Variants in CAMK2A observed in about 807,000 individuals in gnomAD.
CAMK2A encodes the protein calcium/calmodulin-dependent protein kinase type II subunit alpha.
A neutral mutation model predicts 79.2 loss-of-function variants in CAMK2A; 7 were observed. That is an observed-to-expected ratio of 0.09 (90% CI 0.05 to 0.17). CAMK2A has a LOEUF of 0.17. CAMK2A is among the 10% of genes least tolerant of loss of function. The pLI is 1.00. For synonymous variants in CAMK2A, 242 were observed against 251.7 expected, an observed-to-expected ratio of 0.96 and a Z score of 0.36; for missense variants, 214 against 646.4, an observed-to-expected ratio of 0.33 and a Z score of 7.25.
In CAMK2A at chr5:150,250,119, A is replaced by G. The variant is rs528634924; in HGVS notation, c.900+107T>C. ...TGCAGTAGGTGTTCAATAAATGCTT[A>G]TTGAATCAATGAAGGAAAGAATTAG... On this transcript the variant is annotated intron_variant, in intron 11 of 18. Transcript: ENST00000671881. The G allele has an allele frequency of 5.2e-5, 43 of 824,898 alleles. 1 individual carries two copies. Among genetic ancestry groups the G allele is most frequent in the South Asian group, 2.6e-4 (17 of 65,122 alleles). 51.1% of individuals were successfully genotyped at this position (824,898 alleles called of 1,614,324 possible).
At chr5:150,245,240 C>T in intron 12 of CAMK2A, 39 bp from the exon 13 acceptor site, 8 of 1,598,504 alleles carry the variant, frequency 5.0e-6, no homozygotes, top group Non-Finnish European at 5.1e-6. Context: ...CAACGCCAGG[C>T]AGGGCACCAG....
At chr5:150,234,346 CA>C (rs1754975359) in intron 15 of CAMK2A, among the ~76,000 whole-genome samples, 1 of 152,154 alleles carries the variant, frequency 6.6e-6, no homozygotes, top group African/African-American at 2.4e-5. Context: ...ATTCTGGAGC[CA>C]AAGTCCCTGG....
intron 13 of CAMK2A, 72 bp from the exon 14 acceptor site, chr5:150,239,808 CA>C: frequency 7.3e-7 from 1 of 1,362,492 alleles, no homozygotes; most frequent in Non-Finnish European, 1.1e-6. Flanking sequence ...AGAGGAACGA[CA>C]GGGGAGGTTT....
chr5:150,267,165 A>C (rs1756546929), intron 2 of CAMK2A, among the ~76,000 whole-genome samples: 1 of 152,154 alleles, frequency 6.6e-6, no homozygotes. Flanking sequence ...CCTCCAGGGT[A>C]GGGGAGGCTG....
chr5:150,256,919 C>A lies in CAMK2A; in HGVS notation c.273-88G>T. 1 of 1,159,964 alleles carries A rather than the reference C, an allele frequency of 8.6e-7. No individual in the cohort carries two copies. The highest frequency in any genetic ancestry group is 1.2e-6 in the Non-Finnish European group (1 of 809,398). 71.9% of individuals were successfully genotyped at this position (1,159,964 alleles called of 1,614,324 possible). A position where few individuals can be genotyped will look rare whatever the true frequency, so the allele number is the denominator to read the frequency against. ...AGTCTCCAGGAAACTAAGGATGGGG[C>A]CCAGGGACCTCAGGACCTCAGCCAC... On this transcript the variant is annotated intron_variant, in intron 4 of 18. Coordinates refer to ENST00000671881, the MANE Select transcript of CAMK2A (RefSeq NM_015981.4). This position sits in a 1 kb window ranked among gnomAD's most constrained non-coding sequence, Gnocchi z 4.6.
chr5:150,272,804 C>G (rs929411978), intron 2 of CAMK2A, among the ~76,000 whole-genome samples: 3 of 151,568 alleles, frequency 2.0e-5, no homozygotes, highest in Admixed American at 2.0e-4. Flanking sequence ...AAAGGAGGGC[C>G]CATCTGGTGT....
At chr5:150,224,650 C>T (rs953142103) in intron 17 of CAMK2A, among the ~76,000 whole-genome samples, 1 of 152,056 alleles carries the variant, frequency 6.6e-6, no homozygotes, top group Admixed American at 6.5e-5. Context: ...AGGGTTTCAG[C>T]GTCATAGACT....
At position 150,257,629 on chromosome 5, in the gene CAMK2A, G is replaced by A; in HGVS notation, c.218-12C>T. On this transcript the variant is annotated splice_polypyrimidine_tract_variant and intron_variant, in intron 3 of 18. Transcript: ENST00000671881. ...GTCATGTAGTCGGACTGTGGGCGGG[G>A]CAAGGCAGTTGGTTACAGTGGGACA... 1 of 1,562,058 alleles carries A rather than the reference G, an allele frequency of 6.4e-7. No individual in the cohort carries two copies. The highest frequency in any genetic ancestry group is 1.4e-5 in the African/African-American group (1 of 73,484).
rs1194371852 is a variant in CAMK2A, at chr5:150,253,185, G to T, written c.514+259C>A. ...CTTTGGGGAGGAGAGATGGCGGAGG[G>T]GAGTGACAGGAAAGGAGAGAGGGGG... On this transcript the variant is annotated intron_variant, in intron 7 of 18. Transcript: ENST00000671881. 3.3e-5 allele frequency among the ~76,000 whole-genome samples: 5 copies of T among 152,190 alleles called. No individual in the cohort carries two copies. The East Asian group carries it at 9.6e-4, about 29-fold the overall frequency.
chr5:150,247,876 C>T (rs1315341479), intron 11 of CAMK2A, 62 bp from the exon 12 acceptor site: 2 of 1,443,928 alleles, frequency 1.4e-6, no homozygotes, highest in East Asian at 2.3e-5. Context: ...CCAGGAGGGA[C>T]AGAGAGACGG....
chr5:150,273,594 C>T (rs887349847), intron 1 of CAMK2A, among the ~76,000 whole-genome samples: 3 of 152,154 alleles, frequency 2.0e-5, no homozygotes, highest in Admixed American at 2.0e-4. Context: ...CCCTGAGGTC[C>T]CCTTCCCAGA....
Position 150,250,689 on chromosome 5 carries a change from G to A in CAMK2A, c.815C>T (p.Ser272Leu). The A allele has an allele frequency of 2.5e-6, 4 of 1,614,046 alleles. No individual in the cohort carries two copies. Among genetic ancestry groups the A allele is most frequent in the Non-Finnish European group, 3.4e-6 (4 of 1,179,942 alleles). Residue 272 changes from serine to leucine, a missense_variant and splice_region_variant, in exon 10 of 19, where the codon TCG (serine) becomes TTG (leucine). Physicochemically the swap from Ser to Leu is moderately radical, Grantham distance 145 (BLOSUM62 -2). Around this residue, in one of 4 missense-constraint regions of CAMK2A, gnomAD observed 18 missense variants for 34.9 expected, o/e 0.52. Transcript: ENST00000671881. ...GAAGTCCTGCTGAGGAAGGCTCACC[G>A]AGATCCAGGGGTGCTTAAGGGCTTC... Reference protein sequence around the residue: ...AAEALKHPWISHRSTVASCMH... With the variant: ...AAEALKHPWILHRSTVASCMH...
intron 18 of CAMK2A, 39 bp downstream of exon 18, chr5:150,222,950 T>G: frequency 6.3e-7 from 1 of 1,585,508 alleles, no homozygotes; most frequent in Non-Finnish European, 8.7e-7. Context: ...ACTCCCATCC[T>G]TTACATTACC....
chr5:150,232,354 C>T (rs1420181982), intron 15 of CAMK2A, among the ~76,000 whole-genome samples: 1 of 152,188 alleles, frequency 6.6e-6, no homozygotes. Context: ...AGTGGGTGCA[C>T]CTCATAAGTG....
chr5:150,245,217 A>C lies in CAMK2A; in HGVS notation c.944-16T>G, dbSNP rs750312731. ...CTCTTCCCTCCTGTGGAGGAGAAAA[A>C]GTAGAGGGTTAACAACGCCAGGCAG... On this transcript the variant is annotated splice_polypyrimidine_tract_variant and intron_variant, in intron 12 of 18. Coordinates refer to ENST00000671881, the MANE Select transcript of CAMK2A (RefSeq NM_015981.4). The C allele has an allele frequency of 1.7e-5, 28 of 1,613,102 alleles. 1 individual carries two copies. In the South Asian group the frequency reaches 2.9e-4, roughly 16 times the overall value.
rs930429537 is a variant in CAMK2A, at chr5:150,253,362, C to T, written c.514+82G>A. ...AACAGCATCTCCAGCCATACCCACT[C>T]AGGCAGGGGGTTCCCAGAGGCTTAT... On this transcript the variant is annotated intron_variant, in intron 7 of 18. Transcript: ENST00000671881. 1.2e-5 allele frequency: 14 copies of T among 1,129,366 alleles called. No individual in the cohort carries two copies. In the African/African-American group the frequency reaches 2.1e-4, roughly 17 times the overall value. The allele number at this position is 1,129,366 out of a possible 1,614,324, so 70.0% of individuals were successfully genotyped here.
rs1308980027 is a variant in CAMK2A at position 150,223,228 on chromosome 5, G to A, written c.1238-11C>T. 5 of 1,607,870 alleles carry A rather than the reference G, an allele frequency of 3.1e-6. No individual in the cohort carries two copies. The highest frequency in any genetic ancestry group is 1.3e-5 in the African/African-American group (1 of 74,826). On this transcript the variant is annotated splice_polypyrimidine_tract_variant and intron_variant, in intron 17 of 18. Coordinates refer to ENST00000671881, the MANE Select transcript of CAMK2A (RefSeq NM_015981.4). This position sits in a 1 kb window ranked among gnomAD's most constrained non-coding sequence, Gnocchi z 4.1. ...TGTTCCGGGACCACACTGGAGGAGG[G>A]GATGGGAGGGGCAGAGGAGATGCAA...
At chr5:150,264,930 C>T (rs762255167) in intron 3 of CAMK2A, 26 bp downstream of exon 3, 26 of 1,605,214 alleles carry the variant, frequency 1.6e-5, no homozygotes, top group Admixed American at 3.3e-5. Flanking sequence ...GGCTCCCCTG[C>T]GCCCCTCTCA....
intron 14 of CAMK2A, among the ~76,000 whole-genome samples, chr5:150,239,198 C>G (rs1015919857): frequency 1.3e-5 from 2 of 152,056 alleles, no homozygotes; most frequent in Admixed American, 6.6e-5. Flanking sequence ...GCGATGGAAC[C>G]AGAAGAGGGA....
Sources: gnomAD v4.1 joint callset for allele counts (sites outside exome capture counted in the v4.1 genomes callset) on GRCh38, gnomAD v4.1.1 for gene constraint, gnomAD v4.1.1 regional missense constraint, Gnocchi (gnomAD v3.1) non-coding constraint, MANE v1.5 for transcripts, NCBI Gene and HGNC (gene_info 2026-07-23, HGNC 2026-07-21) for gene names.